AKAP10: variants seen among roughly 807,000 people sequenced by gnomAD.
The protein encoded by AKAP10 is A-kinase anchoring protein 10.
In AKAP10, 24 loss-of-function variants were observed where a neutral mutation model predicts 80.8. The observed-to-expected ratio is 0.30, with a 90% CI of 0.22 to 0.42. The LOEUF (loss-of-function observed/expected upper bound fraction) is 0.42. Ranked by LOEUF, AKAP10 falls within the 10% of genes least tolerant of loss-of-function variation. The probability of loss-of-function intolerance (pLI) is 1.00; values close to 1 mark genes in which losing one functional copy is unlikely to be tolerated. For missense variants in AKAP10, 661 were observed against 794.9 expected (o/e 0.83, Z 2.03); for synonymous variants, 291 against 277.7 (o/e 1.05, Z -0.48).
chr17:19,964,041 T>C (rs972389966), intron 2 of AKAP10, among the ~76,000 whole-genome samples: 2 of 152,228 alleles, frequency 1.3e-5, no homozygotes, highest in African/African-American at 2.4e-5. Context: ...AATTACAAAA[T>C]GAAGAGTGAC....
Position 19,905,996 on chromosome 17 carries a change from C to A in AKAP10, c.*231G>T. The A allele has an allele frequency of 1.9e-6, 1 of 529,484 alleles. No homozygotes were observed. Among genetic ancestry groups the A allele is most frequent in the African/African-American group, 1.9e-5 (1 of 53,028 alleles). 32.8% of individuals were successfully genotyped at this position (529,484 alleles called of 1,614,324 possible). ...TAATTTTCTAGTAATGTAAACAATA[C>A]CATTTTGTATCTTTAAGACTCTCAC... is the stretch of plus-strand genomic sequence containing the variant. On this transcript the variant is annotated 3_prime_UTR_variant, in exon 15 of 15. Transcript: ENST00000225737.
intron 5 of AKAP10, among the ~76,000 whole-genome samples, chr17:19,946,251 ATATATATATATATATATATATATATTT>A (rs1567765692): frequency 6.7e-4 from 13 of 19,354 alleles, no homozygotes; most frequent in African/African-American, 2.0e-3. Context: ...ATATATATAT[ATATATATATATATATATATATATATTT>A]TTTTTTTTTT....
chr17:19,909,191 TTCTC>T lies in AKAP10; in HGVS notation c.1969_1972del (p.Glu657AsnfsTer17). 6.2e-7 allele frequency: 1 copy of T among 1,609,716 alleles called. No individual in the cohort carries two copies. The highest frequency in any genetic ancestry group is 8.5e-7 in the Non-Finnish European group (1 of 1,178,718). The stretch of plus-strand genomic sequence containing the variant: ...CGAAGTCATCCTTACCTTTGTAGAT[TTCTC>T]TAACGGTTGATCATACTGAGCCTGC... On this transcript the variant is annotated frameshift_variant, in exon 14 of 15. Coordinates refer to ENST00000225737, the MANE Select transcript of AKAP10 (RefSeq NM_007202.4). LOFTEE classifies it high-confidence loss of function.
At position 19,946,236 on chromosome 17, in the gene AKAP10, A is replaced by AAAATATATATATATATATATT. The variant is rs2043112700; in HGVS notation, c.976+1170_976+1171insAATATATATATATATATATTT. On this transcript the variant is annotated intron_variant, in intron 5 of 14. Coordinates refer to ENST00000225737, the MANE Select transcript of AKAP10 (RefSeq NM_007202.4). ...ATATATATATTTTATATATATATAT[A>AAAATATATATATATATATATT]TTATATATATATATATATATATATA... Among the ~76,000 whole-genome samples, 27 of 22,782 alleles carry AAAATATATATATATATATATT rather than the reference A, an allele frequency of 1.2e-3. 1 individual carries two copies. The highest frequency in any genetic ancestry group is 4.0e-3 in the African/African-American group (27 of 6,770). 14.9% of individuals were successfully genotyped at this position (22,782 alleles called of 152,430 possible). A position where few individuals can be genotyped will look rare whatever the true frequency, so the allele number is the denominator to read the frequency against.
chr17:19,945,285 C>T (rs554647742), intron 5 of AKAP10, among the ~76,000 whole-genome samples: 33 of 152,242 alleles, frequency 2.2e-4, no homozygotes, highest in Admixed American at 3.3e-4. Flanking sequence ...GAAACTGCTT[C>T]CTTTTTATCC....
chr17:19,931,655 T>C (rs1023521846), intron 10 of AKAP10, 150 bp downstream of exon 10: 1 of 882,038 alleles, frequency 1.1e-6, no homozygotes, highest in Non-Finnish European at 1.6e-6. Context: ...CCTCCCAAAG[T>C]GCTGGGATTA....
chr17:19,922,931 T>G (rs1567754732), intron 11 of AKAP10, among the ~76,000 whole-genome samples: 1 of 152,038 alleles, frequency 6.6e-6, no homozygotes, highest in Non-Finnish European at 1.5e-5. Flanking sequence ...AACATATATA[T>G]TTACATTATA....
At chr17:19,925,750 G>A (rs2042869471) in intron 10 of AKAP10, among the ~76,000 whole-genome samples, 1 of 151,432 alleles carries the variant, frequency 6.6e-6, no homozygotes, top group Non-Finnish European at 1.5e-5. Flanking sequence ...GTGTTGAGAA[G>A]GAACAATCTC....
At chr17:19,913,186 C>T (rs1247639832) in intron 12 of AKAP10, among the ~76,000 whole-genome samples, 1 of 146,840 alleles carries the variant, frequency 6.8e-6, no homozygotes, top group Non-Finnish European at 1.5e-5. Context: ...CAGAGTCTCC[C>T]TCTGTTGACC....
At chr17:19,946,467 T>C (rs2043133703) in intron 5 of AKAP10, among the ~76,000 whole-genome samples, 1 of 147,856 alleles carries the variant, frequency 6.8e-6, no homozygotes, top group Non-Finnish European at 1.5e-5. Flanking sequence ...CTTCAGTTTC[T>C]TCATCTATAA....
At position 19,958,389 on chromosome 17, in the gene AKAP10, G is replaced by A. The variant is rs750037851; in HGVS notation, c.502C>T (p.Arg168Ter). Residue 168 changes from arginine (R) to a stop codon, truncating the protein, a stop_gained, in exon 4 of 15, where the codon CGA (arginine) becomes TGA (stop). Transcript: ENST00000225737. LOFTEE classifies it high-confidence loss of function. ...GTGTTTAGACTGTGTGCTCTTATTC[G>A]CGACCAAGTTGTTGAATGAAAACTT... is the stretch of plus-strand genomic sequence containing the variant. ...AESFHSTTWS[R>*]IRAHSLNTVK... 2.5e-6 allele frequency: 4 copies of A among 1,614,146 alleles called. No individual in the cohort carries two copies. Among genetic ancestry groups the A allele is most frequent in the Middle Eastern group, 1.6e-4 (1 of 6,062 alleles).
rs142102209 is a variant in AKAP10 at position 19,908,676 on chromosome 17, G to A, written c.1983+505C>T. 3.8e-3 allele frequency among the ~76,000 whole-genome samples: 579 copies of A among 151,946 alleles called. 3 individuals are homozygous for A. The highest frequency in any genetic ancestry group is 0.013 in the African/African-American group (522 of 41,416). On this transcript the variant is annotated intron_variant, in intron 14 of 14. Coordinates refer to ENST00000225737, the MANE Select transcript of AKAP10 (RefSeq NM_007202.4). ...TTTTTTTTGAAATGGGGTTTCGCTCGTCGCCCAGGCTGGAGTGCAGTGGTG... is the reference window on the plus strand; with the variant it reads ...TTTTTTTTGAAATGGGGTTTCGCTCATCGCCCAGGCTGGAGTGCAGTGGTG...
intron 12 of AKAP10, among the ~76,000 whole-genome samples, chr17:19,919,277 T>G (rs1165558779): frequency 6.6e-6 from 1 of 152,204 alleles, no homozygotes; most frequent in Non-Finnish European, 1.5e-5. Context: ...TATGGCTGCA[T>G]AGTATCCATG....
chr17:19,935,530 A>G (rs1202846822), intron 9 of AKAP10, among the ~76,000 whole-genome samples: 4 of 152,190 alleles, frequency 2.6e-5, no homozygotes, highest in South Asian at 2.1e-4. Context: ...CTCTGTTGTC[A>G]TAACAGCTTA....
intron 4 of AKAP10, among the ~76,000 whole-genome samples, chr17:19,950,877 C>T (rs1199687201): frequency 2.0e-5 from 3 of 151,680 alleles, no homozygotes; most frequent in African/African-American, 4.8e-5. Context: ...TGTCTCTGCC[C>T]GGCAGCCCAT....
At chr17:19,930,555 G>T (rs2042921152) in intron 10 of AKAP10, among the ~76,000 whole-genome samples, 2 of 152,086 alleles carry the variant, frequency 1.3e-5, no homozygotes, top group East Asian at 3.9e-4. Context: ...GGCCAAGGTG[G>T]GAGGACTGCT....
At position 19,940,991 on chromosome 17, in the gene AKAP10, G is replaced by C; in HGVS notation, c.1081C>G (p.Arg361Gly). Residue 361 changes from arginine (R) to glycine (G), a missense_variant, in exon 7 of 15, where the codon CGA (arginine) becomes GGA (glycine). Arg to Gly is a moderately radical substitution (Grantham distance 125). Transcript: ENST00000225737. ...TGGTATTTACAGAAATGGTGACTTC[G>C]CAGAAACTCACTAAAGTGCCTGCAC... ...MEQEHFSEFL[R>G]SHHFCKYQIE... 3 of 1,606,036 alleles carry C rather than the reference G, an allele frequency of 1.9e-6. No individual in the cohort carries two copies. Among genetic ancestry groups the C allele is most frequent in the East Asian group, 4.5e-5 (2 of 44,608 alleles).
intron 10 of AKAP10, among the ~76,000 whole-genome samples, chr17:19,931,154 G>A (rs2042928234): frequency 6.6e-6 from 1 of 151,954 alleles, no homozygotes; most frequent in Non-Finnish European, 1.5e-5. Flanking sequence ...AAAAAAAGGA[G>A]ACCTAAGAAT....
intron 14 of AKAP10, 21 bp downstream of exon 14, chr17:19,909,160 A>C: frequency 1.3e-6 from 2 of 1,577,400 alleles, no homozygotes; most frequent in African/African-American, 1.4e-5. Flanking sequence ...TTTAGTTTAC[A>C]CAAAACGAAG....
Sources: gnomAD v4.1 joint callset for allele counts (sites outside exome capture counted in the v4.1 genomes callset) on GRCh38, gnomAD v4.1.1 for gene constraint, MANE v1.5 for transcripts, NCBI Gene and HGNC (gene_info 2026-07-23, HGNC 2026-07-21) for gene names.